Variants in GPC6 observed in about 807,000 individuals in gnomAD.
GPC6 encodes the protein glypican 6, also known as glypican-6.
In GPC6, 14 loss-of-function variants were observed where a neutral mutation model predicts 55.2. The ratio of observed to expected loss-of-function variants is 0.25; its 90% CI spans 0.17 to 0.40. The LOEUF is 0.40. Among genes scored for constraint, GPC6 ranks in the 10% least tolerant of loss-of-function variants. The pLI is 1.00. For synonymous variants in GPC6, 278 were observed against 259.6 expected (o/e 1.07, Z -0.68); for missense variants, 641 against 708.5 (o/e 0.90, Z 1.08).
intron 3 of GPC6, among the ~76,000 whole-genome samples, chr13:94,015,832 G>A (rs2138705054): frequency 6.6e-6 from 1 of 152,280 alleles, no homozygotes; most frequent in East Asian, 1.9e-4. Flanking sequence ...CATTTCTGGT[G>A]TCTCAGTTCT....
intron 4 of GPC6, among the ~76,000 whole-genome samples, chr13:94,231,152 CATTA>C: frequency 6.6e-6 from 1 of 152,274 alleles, no homozygotes; most frequent in Non-Finnish European, 1.5e-5. Context: ...TGCAAAGTTT[CATTA>C]ATTTGTTGAG....
At chr13:94,163,954 T>G (rs1269078439) in intron 4 of GPC6, among the ~76,000 whole-genome samples, 1 of 151,744 alleles carries the variant, frequency 6.6e-6, no homozygotes, top group Non-Finnish European at 1.5e-5. Flanking sequence ...GTTGGGAGAG[T>G]GATCTGACCA....
intron 3 of GPC6, among the ~76,000 whole-genome samples, chr13:93,988,781 C>A (rs770291106): frequency 1.3e-5 from 2 of 152,046 alleles, no homozygotes; most frequent in Non-Finnish European, 2.9e-5. Flanking sequence ...ACGGGGGACA[C>A]AAACATTCAA....
At chr13:94,200,330 G>A (rs1889711868) in intron 4 of GPC6, among the ~76,000 whole-genome samples, 1 of 152,200 alleles carries the variant, frequency 6.6e-6, no homozygotes, top group African/African-American at 2.4e-5. Flanking sequence ...CCAGCCAAGT[G>A]ACTGGCATTT....
intron 1 of GPC6, among the ~76,000 whole-genome samples, chr13:93,366,887 G>A (rs989273332): frequency 6.6e-6 from 1 of 151,958 alleles, no homozygotes; most frequent in African/African-American, 2.4e-5. Context: ...TAAACTCCTA[G>A]TCTGTTTTTT....
At chr13:93,855,620 T>A (rs1888577055) in intron 3 of GPC6, among the ~76,000 whole-genome samples, 1 of 151,622 alleles carries the variant, frequency 6.6e-6, no homozygotes, top group Admixed American at 6.6e-5. Context: ...GCTATACCAT[T>A]TTTCATTCCC....
At chr13:93,731,118 C>T (rs1381103605) in intron 2 of GPC6, among the ~76,000 whole-genome samples, 1 of 152,070 alleles carries the variant, frequency 6.6e-6, no homozygotes, top group African/African-American at 2.4e-5. Context: ...GAAAAGGTTA[C>T]CGAAGATTGT....
At chr13:94,201,919 A>G (rs1889763176) in intron 4 of GPC6, among the ~76,000 whole-genome samples, 1 of 152,198 alleles carries the variant, frequency 6.6e-6, no homozygotes, top group African/African-American at 2.4e-5. Flanking sequence ...ACTGCGCTCC[A>G]GCCTGGGCAA....
rs1183751273 is a variant in GPC6 at position 94,406,558 on chromosome 13, AT to A, written c.*3343del. The A allele has an allele frequency of 1.3e-5, 2 of 152,208 alleles. No individual in the cohort carries two copies. Among genetic ancestry groups the A allele is most frequent in the African/African-American group, 4.8e-5 (2 of 41,480 alleles). The allele number at this position is 152,208 out of a possible 1,614,324, so 9.4% of individuals were successfully genotyped here. On this transcript the variant is annotated 3_prime_UTR_variant, in exon 9 of 9. Transcript: ENST00000377047. The stretch of plus-strand genomic sequence containing the variant: ...TATTTTGTCTACACTGAAAAACATT[AT>A]TATTCATTGATAAGTAGTAATAATT...
At chr13:94,291,023 C>A (rs755572277) in intron 5 of GPC6, among the ~76,000 whole-genome samples, 13 of 152,108 alleles carry the variant, frequency 8.5e-5, no homozygotes, top group Non-Finnish European at 1.5e-4. Flanking sequence ...GAAACCCCGT[C>A]TCTACTAAAA....
At chr13:93,562,708 G>GA (rs1875875987) in intron 2 of GPC6, among the ~76,000 whole-genome samples, 1 of 152,066 alleles carries the variant, frequency 6.6e-6, no homozygotes, top group African/African-American at 2.4e-5. Context: ...CAATAAATAT[G>GA]AAAATTCCTA....
At chr13:93,616,332 A>G (rs1056770728) in intron 2 of GPC6, among the ~76,000 whole-genome samples, 35 of 152,120 alleles carry the variant, frequency 2.3e-4, no homozygotes, top group African/African-American at 8.4e-4. Context: ...TTTATTGGAG[A>G]TGAGAAATTA....
intron 1 of GPC6, among the ~76,000 whole-genome samples, chr13:93,329,100 T>G (rs1175184602): frequency 1.3e-5 from 2 of 152,196 alleles, no homozygotes; most frequent in African/African-American, 4.8e-5. Context: ...TAACCTAGAT[T>G]AAACTTTGGA....
intron 2 of GPC6, among the ~76,000 whole-genome samples, chr13:93,690,572 T>A (rs1368211476): frequency 1.3e-5 from 2 of 152,012 alleles, no homozygotes; most frequent in Non-Finnish European, 2.9e-5. Context: ...AACCTATTCA[T>A]TTTCCCAAGA....
At chr13:94,401,948 A>ATTGATT (rs1566762497) in intron 8 of GPC6, among the ~76,000 whole-genome samples, 10 of 112,562 alleles carry the variant, frequency 8.9e-5, no homozygotes, top group African/African-American at 2.9e-4. Context: ...ATTGATTGAT[A>ATTGATT]GATAGATAGA....
rs1449046220 is a variant in GPC6, at chr13:93,341,708, T to G, written c.160+114092T>G. On this transcript the variant is annotated intron_variant, in intron 1 of 8. Coordinates refer to ENST00000377047, the MANE Select transcript of GPC6 (RefSeq NM_005708.5). Reference sequence around the variant, plus strand: ...TTTACTCCGCTGCTTTTTTTTTTTTTCTTTTTTTTGCTGAGCAGACGCTTT... The same window carrying G: ...TTTACTCCGCTGCTTTTTTTTTTTTGCTTTTTTTTGCTGAGCAGACGCTTT... Among the ~76,000 whole-genome samples the G allele has an allele frequency of 2.7e-5, 4 of 149,826 alleles. No individual in the cohort carries two copies. The East Asian group carries it at 7.9e-4, about 29-fold the overall frequency.
intron 3 of GPC6, among the ~76,000 whole-genome samples, chr13:93,957,180 T>C (rs1450670857): frequency 1.5e-4 from 23 of 152,180 alleles, no homozygotes; most frequent in Admixed American, 1.5e-3. Context: ...TAAATAGTCA[T>C]AAACTATTTA....
chr13:93,417,545 G>A (rs78140299), intron 1 of GPC6, among the ~76,000 whole-genome samples: 3,045 of 152,128 alleles, frequency 0.02, 116 homozygotes, highest in African/African-American at 0.069. Flanking sequence ...CTCCTGTGCT[G>A]AATTACTTCT....
rs114406809 is a variant in GPC6, at chr13:93,847,440, G to T, written c.711+16895G>T. Among the ~76,000 whole-genome samples, 706 of 152,254 alleles carry T rather than the reference G, an allele frequency of 4.6e-3. 7 individuals are homozygous for T. Among genetic ancestry groups the T allele is most frequent in the African/African-American group, 0.016 (677 of 41,564 alleles). On this transcript the variant is annotated intron_variant, in intron 3 of 8. Coordinates refer to ENST00000377047, the MANE Select transcript of GPC6 (RefSeq NM_005708.5). Reference sequence around the variant, plus strand: ...TGACTCAAAACCACATGACTCATTTGTGTTCACGTAGATTTGAGGGTGTTT... The same window carrying T: ...TGACTCAAAACCACATGACTCATTTTTGTTCACGTAGATTTGAGGGTGTTT...
Sources: gnomAD v4.1 joint callset for allele counts (sites outside exome capture counted in the v4.1 genomes callset) on GRCh38, gnomAD v4.1.1 for gene constraint, MANE v1.5 for transcripts, NCBI Gene and HGNC (gene_info 2026-07-23, HGNC 2026-07-21) for gene names.